Variants in CROCC observed in about 807,000 individuals in gnomAD.
CROCC encodes the protein rootletin.
CROCC carries 180 observed loss-of-function variants against 245.2 expected under a neutral mutation model. That is an observed-to-expected ratio of 0.73 (90% CI 0.65 to 0.83). The LOEUF is 0.83. CROCC is among the 40% of genes least tolerant of loss of function. The pLI is 0.00. For missense variants in CROCC, 2,688 were observed against 2,779.4 expected (o/e 0.97, Z 0.74); for synonymous variants, 1,205 against 1,241.6 (o/e 0.97, Z 0.62).
chr1:16,924,008 C>T (rs2075471740), intron 2 of CROCC, among the ~76,000 whole-genome samples: 1 of 152,242 alleles, frequency 6.6e-6, no homozygotes, highest in Non-Finnish European at 1.5e-5. Flanking sequence ...AAATCTGAGG[C>T]CCCGGAGAAG....
Position 16,951,134 on chromosome 1 carries a change from TG to T in CROCC, c.3006+16del. On this transcript the variant is annotated intron_variant, in intron 20 of 36. Coordinates refer to ENST00000375541, the MANE Select transcript of CROCC (RefSeq NM_014675.5). ...TCCAGCGTGAAAAGGTTCAGGCAGC[TG>T]GGGAGGGGTGGGCAGGACTCTGAGC... 1 of 1,491,044 alleles carries T rather than the reference TG, an allele frequency of 6.7e-7. No individual in the cohort carries two copies. Among genetic ancestry groups the T allele is most frequent in the Non-Finnish European group, 9.0e-7 (1 of 1,117,238 alleles). The allele number at this position is 1,491,044 out of a possible 1,614,324, so 92.4% of individuals were successfully genotyped here.
chr1:16,930,822 G>A (rs558995316), intron 7 of CROCC, among the ~76,000 whole-genome samples: 251 of 152,322 alleles, frequency 1.6e-3, no homozygotes, highest in Middle Eastern at 6.8e-3. Context: ...TGTGGTAGGT[G>A]CTATCATTCT....
Position 16,931,416 on chromosome 1 carries a change from C to G in CROCC, c.956+19C>G, listed in dbSNP as rs371439028. On this transcript the variant is annotated intron_variant, in intron 8 of 36. Transcript: ENST00000375541. The stretch of plus-strand genomic sequence containing the variant: ...CTGAGAGGTGAGGCCTGGCCGGGGA[C>G]GGGGCAGCAGCTGAGAGCCAGCCCT... 3 of 1,599,062 alleles carry G rather than the reference C, an allele frequency of 1.9e-6. No homozygotes were observed. The highest frequency in any genetic ancestry group is 1.7e-6 in the Non-Finnish European group (2 of 1,168,044).
chr1:16,947,852 T>G (rs1433305696), intron 17 of CROCC, among the ~76,000 whole-genome samples: 1 of 152,288 alleles, frequency 6.6e-6, no homozygotes, highest in Non-Finnish European at 1.5e-5. Context: ...TGTTGTTTTT[T>G]TTTCCAGACA....
At chr1:16,931,100 T>C (rs1383059587) in intron 7 of CROCC, among the ~76,000 whole-genome samples, 191 bp from the exon 8 acceptor site, 1 of 152,296 alleles carries the variant, frequency 6.6e-6, no homozygotes, top group Admixed American at 6.5e-5. Context: ...CCCAGGTCCC[T>C]GTGCAGGAGG....
chr1:16,918,731 G>GTT (rs1322555949), upstream of CROCC, among the ~76,000 whole-genome samples: 8 of 78,162 alleles, frequency 1.0e-4, no homozygotes, highest in Non-Finnish European at 1.9e-4. Context: ...GGCCGGTTTA[G>GTT]TTTTTTGTTT....
intron 3 of CROCC, among the ~76,000 whole-genome samples, chr1:16,926,309 G>C (rs1292378354): frequency 6.6e-6 from 1 of 152,274 alleles, no homozygotes; most frequent in Non-Finnish European, 1.5e-5. Context: ...TCACAGATAG[G>C]GAAAGTAAGT....
Position 16,946,801 on chromosome 1 carries a change from A to G in CROCC, c.2324A>G (p.Gln775Arg). Residue 775 changes from glutamine (Q) to arginine (R), a missense_variant, in exon 17 of 37, where the codon CAG becomes CGG. Coordinates refer to ENST00000375541, the MANE Select transcript of CROCC (RefSeq NM_014675.5). Reference sequence around the variant, plus strand: ...TCCGCCCTGCAGGGCCGGCAACGGCAGGCAGAGCAGGAGGCCACAGTGGCG... The same window carrying G: ...TCCGCCCTGCAGGGCCGGCAACGGCGGGCAGAGCAGGAGGCCACAGTGGCG... ...EKSALQGRQR[Q>R]AEQEATVARE... The G allele has an allele frequency of 6.4e-7, 1 of 1,552,366 alleles. No individual in the cohort carries two copies.
In CROCC at chr1:16,938,427, G is replaced by T. The variant is rs1424054169; in HGVS notation, c.1318G>T (p.Ala440Ser). ...ATCCCTGCGGCTACAGGAGCAGGCG[G>T]CCCTGGAGACAGAGGATGGAGAGGG... is the stretch of plus-strand genomic sequence containing the variant. ...LESLRLQEQA[A>S]LETEDGEGLQ... The change falls in exon 11 of 37, where the codon GCC (alanine) becomes TCC (serine). Residue 440 changes from alanine (A) to serine (S), a missense_variant. By Grantham distance (99) the Ala-to-Ser change is moderately conservative. Around this residue, in one of 9 missense-constraint regions of CROCC, gnomAD observed 972 missense variants for 895.3 expected, o/e 1.09. Transcript: ENST00000375541. 2 of 1,577,416 alleles carry T rather than the reference G, an allele frequency of 1.3e-6. No individual in the cohort carries two copies. Among genetic ancestry groups the T allele is most frequent in the East Asian group, 2.3e-5 (1 of 43,452 alleles).
In CROCC at chr1:16,969,228, G is replaced by A; in HGVS notation, c.5189G>A (p.Gly1730Asp). 1 of 1,613,330 alleles carries A rather than the reference G, an allele frequency of 6.2e-7. No homozygotes were observed. Among genetic ancestry groups the A allele is most frequent in the East Asian group, 2.2e-5 (1 of 44,878 alleles). ...GGGGCCCTGCGGGACAAGGTGCGGGGCCTGACAGAGGCCCTGGCCCAGAGC... is the reference window on the plus strand; with the variant it reads ...GGGGCCCTGCGGGACAAGGTGCGGGACCTGACAGAGGCCCTGGCCCAGAGC... Reference protein sequence around the residue: ...SEGALRDKVRGLTEALAQSSA... With the variant: ...SEGALRDKVRDLTEALAQSSA... Residue 1730 changes from glycine to aspartate, a missense_variant, in exon 32 of 37, where the codon GGC becomes GAC. Around this residue, in one of 9 missense-constraint regions of CROCC, gnomAD observed 1,218 missense variants for 1,286.3 expected, o/e 0.95. Coordinates refer to ENST00000375541, the MANE Select transcript of CROCC (RefSeq NM_014675.5).
intron 3 of CROCC, among the ~76,000 whole-genome samples, chr1:16,928,477 C>A (rs1337768921): frequency 6.6e-6 from 1 of 150,826 alleles, no homozygotes; most frequent in Non-Finnish European, 1.5e-5. Context: ...GGCTTTCCTG[C>A]AGTGAGGATG....
intron 9 of CROCC, 146 bp downstream of exon 9, chr1:16,937,019 G>A: frequency 2.2e-6 from 2 of 897,468 alleles, no homozygotes; most frequent in South Asian, 1.7e-5. Flanking sequence ...AGGTTCCGAA[G>A]GCACTTGCCC....
intron 1 of CROCC, among the ~76,000 whole-genome samples, chr1:16,916,787 A>G (rs893017426): frequency 3.9e-5 from 6 of 152,296 alleles, no homozygotes; most frequent in African/African-American, 1.4e-4. Flanking sequence ...TGTTGGGATC[A>G]CAGGTGTGAG....
At chr1:16,915,626 C>G (rs2075293801) in intron 1 of CROCC, among the ~76,000 whole-genome samples, 2 of 149,794 alleles carry the variant, frequency 1.3e-5, no homozygotes, top group African/African-American at 4.9e-5. Flanking sequence ...GAAAACAGAG[C>G]AAGACCTTGT....
At chr1:16,930,950 T>C (rs2075662690) in intron 7 of CROCC, among the ~76,000 whole-genome samples, 1 of 152,292 alleles carries the variant, frequency 6.6e-6, no homozygotes, top group South Asian at 2.1e-4. Context: ...AGCAAGACTC[T>C]GTCTCCAAAT....
chr1:16,933,954 A>G (rs1420676623), intron 8 of CROCC, among the ~76,000 whole-genome samples: 1 of 152,260 alleles, frequency 6.6e-6, no homozygotes, highest in Non-Finnish European at 1.5e-5. Flanking sequence ...TGCTGGTTGC[A>G]TCCTTATGGT....
rs760764539 is a variant in CROCC, at chr1:16,938,418, G to A, written c.1309G>A (p.Glu437Lys). 1 of 1,572,572 alleles carries A rather than the reference G, an allele frequency of 6.4e-7. No homozygotes were observed. The highest frequency in any genetic ancestry group is 1.9e-5 in the Admixed American group (1 of 53,780). The part of the protein sequence containing the change: ...LEALESLRLQ[E>K]QAALETEDGE... ...ACTCCAGGAATCCCTGCGGCTACAG[G>A]AGCAGGCGGCCCTGGAGACAGAGGA... The change falls in exon 11 of 37, where the codon GAG (glutamate) becomes AAG (lysine). Residue 437 changes from glutamate to lysine, a missense_variant. Coordinates refer to ENST00000375541, the MANE Select transcript of CROCC (RefSeq NM_014675.5).
At chr1:16,919,872 A>T (rs1246599070), upstream of CROCC, among the ~76,000 whole-genome samples, 1 of 152,222 alleles carries the variant, frequency 6.6e-6, no homozygotes, top group African/African-American at 2.4e-5. Flanking sequence ...GAATCACCAC[A>T]CTCGGTCTAG....
Position 16,946,756 on chromosome 1 carries a change from T to C in CROCC, c.2284-5T>C, listed in dbSNP as rs1018090960. 1 of 1,551,128 alleles carries C rather than the reference T, an allele frequency of 6.4e-7. No homozygotes were observed. The highest frequency in any genetic ancestry group is 1.4e-5 in the African/African-American group (1 of 73,198). On this transcript the variant is annotated splice_polypyrimidine_tract_variant and splice_region_variant and intron_variant, in intron 16 of 36. Coordinates refer to ENST00000375541, the MANE Select transcript of CROCC (RefSeq NM_014675.5). ...CACGAGGCCCCACTCCTACCTGGCC[T>C]CCAGCTGGAGGAAGAAAAGTCCGCC... is the stretch of plus-strand genomic sequence containing the variant.
Sources: gnomAD v4.1 joint callset for allele counts (sites outside exome capture counted in the v4.1 genomes callset) on GRCh38, gnomAD v4.1.1 for gene constraint, gnomAD v4.1.1 regional missense constraint, MANE v1.5 for transcripts, NCBI Gene and HGNC (gene_info 2026-07-23, HGNC 2026-07-21) for gene names.